Variants in MGAT5 observed in about 807,000 individuals in gnomAD.
MGAT5 encodes alpha-1,6-mannosylglycoprotein 6-beta-N-acetylglucosaminyltransferase, also known as alpha-1,6-mannosylglycoprotein 6-beta-N-acetylglucosaminyltransferase A.
MGAT5 carries 30 observed loss-of-function variants against 94.3 expected under a neutral mutation model. The observed-to-expected ratio is 0.32, with a 90% CI of 0.24 to 0.43. The LOEUF (loss-of-function observed/expected upper bound fraction) is 0.43, where lower values mean the gene tolerates loss of function less well. MGAT5 is among the 20% of genes least tolerant of loss of function. MGAT5 has a pLI of 1.00. For synonymous variants in MGAT5, 310 were observed against 322.9 expected (o/e 0.96, Z 0.43); for missense variants, 691 against 905.5 (o/e 0.76, Z 3.04).
At chr2:134,292,181 G>A (rs1685408290) in intron 2 of MGAT5, among the ~76,000 whole-genome samples, 1 of 152,194 alleles carries the variant, frequency 6.6e-6, no homozygotes, top group South Asian at 2.1e-4. Flanking sequence ...GCAGTAGTGT[G>A]TGGTTTTCAG....
At chr2:134,237,394 G>A (rs928370597) in intron 1 of MGAT5, among the ~76,000 whole-genome samples, 2 of 152,108 alleles carry the variant, frequency 1.3e-5, no homozygotes, top group African/African-American at 4.8e-5. Flanking sequence ...AGAATAATCT[G>A]GGAAGTTTTC....
chr2:134,233,378 CT>C (rs1400179738), intron 1 of MGAT5, among the ~76,000 whole-genome samples: 4 of 152,160 alleles, frequency 2.6e-5, no homozygotes, highest in Non-Finnish European at 4.4e-5. Context: ...TTTACCAATG[CT>C]AGGAATTGGG....
chr2:134,444,542 T>A (rs1263808186), intron 15 of MGAT5, among the ~76,000 whole-genome samples: 1 of 152,266 alleles, frequency 6.6e-6, no homozygotes, highest in Non-Finnish European at 1.5e-5. Flanking sequence ...TCTGGCAGTC[T>A]ATTGAGTGCC....
intron 10 of MGAT5, among the ~76,000 whole-genome samples, chr2:134,400,196 A>C (rs1442000332): frequency 6.6e-6 from 1 of 152,162 alleles, no homozygotes; most frequent in East Asian, 1.9e-4. Context: ...TTGGTATGAG[A>C]GGCTTCTGGG....
At chr2:134,163,052 A>C (rs566466529) in intron 1 of MGAT5, among the ~76,000 whole-genome samples, 3 of 152,188 alleles carry the variant, frequency 2.0e-5, no homozygotes, top group Non-Finnish European at 4.4e-5. Context: ...GACACCAAGA[A>C]GTGTAAGACG....
At chr2:134,169,413 G>GACACACAC (rs71660291) in intron 1 of MGAT5, among the ~76,000 whole-genome samples, 4 of 126,866 alleles carry the variant, frequency 3.2e-5, no homozygotes, top group African/African-American at 6.1e-5. Flanking sequence ...CACACACACA[G>GACACACAC]ACACACACAC....
chr2:134,437,163 G>T (rs1807374), intron 14 of MGAT5, among the ~76,000 whole-genome samples: 44,299 of 151,856 alleles, frequency 0.29, 7,517 homozygotes, highest in African/African-American at 0.47. Flanking sequence ...AATTTTTTTG[G>T]ATTTTTAGTA....
intron 1 of MGAT5, among the ~76,000 whole-genome samples, chr2:134,255,274 A>C (rs3908137): frequency 0.13 from 20,515 of 152,036 alleles, 1,906 homozygotes; most frequent in Non-Finnish European, 0.2. Context: ...TTGAAATCAG[A>C]AAGAGTAAAA....
chr2:134,147,595 T>TAA (rs58073087), intron 1 of MGAT5, among the ~76,000 whole-genome samples: 15,093 of 111,660 alleles, frequency 0.14, 2,071 homozygotes, highest in African/African-American at 0.35. Flanking sequence ...ACAGAGTTAA[T>TAA]AAAAAAAAAA....
intron 10 of MGAT5, among the ~76,000 whole-genome samples, chr2:134,374,058 G>T (rs986532254): frequency 2.6e-5 from 4 of 152,218 alleles, no homozygotes; most frequent in African/African-American, 9.6e-5. Flanking sequence ...AAACAGAAGT[G>T]TGTGTAGATT....
At chr2:134,409,579 A>G (rs1683530883) in intron 11 of MGAT5, among the ~76,000 whole-genome samples, 1 of 152,182 alleles carries the variant, frequency 6.6e-6, no homozygotes, top group African/African-American at 2.4e-5. Flanking sequence ...CTCTAGAGTC[A>G]CCATGCCAAC....
chr2:134,278,063 A>G (rs971320767), intron 2 of MGAT5, among the ~76,000 whole-genome samples: 10 of 152,234 alleles, frequency 6.6e-5, no homozygotes, highest in Non-Finnish European at 1.3e-4. Flanking sequence ...CATGGGAGCC[A>G]TCTTTAAGAA....
At chr2:134,327,867 A>G (rs1687730389) in intron 4 of MGAT5, among the ~76,000 whole-genome samples, 1 of 152,130 alleles carries the variant, frequency 6.6e-6, no homozygotes, top group Non-Finnish European at 1.5e-5. Context: ...TGCACATTAA[A>G]CACAAAAAAA....
At chr2:134,275,914 G>A (rs968052683) in intron 2 of MGAT5, among the ~76,000 whole-genome samples, 1 of 152,052 alleles carries the variant, frequency 6.6e-6, no homozygotes, top group East Asian at 1.9e-4. Flanking sequence ...ATGAGGACAA[G>A]AGATGCTGCA....
chr2:134,418,848 A>G (rs1380957169), intron 12 of MGAT5, among the ~76,000 whole-genome samples: 4 of 152,192 alleles, frequency 2.6e-5, no homozygotes, highest in African/African-American at 9.7e-5. Context: ...TCTGATATCT[A>G]GCTCCCTCCA....
At chr2:134,344,453 A>C in intron 7 of MGAT5, among the ~76,000 whole-genome samples, 1 of 152,064 alleles carries the variant, frequency 6.6e-6, no homozygotes. Flanking sequence ...AAGGGTGCTA[A>C]GCGGTAAGAA....
chr2:134,261,592 C>T (rs1376928236), intron 1 of MGAT5, among the ~76,000 whole-genome samples: 1 of 152,174 alleles, frequency 6.6e-6, no homozygotes. Context: ...GAGAAGTTAG[C>T]CTTCCCTCCT....
chr2:134,349,083 A>G (rs1003871927), intron 8 of MGAT5, among the ~76,000 whole-genome samples: 2 of 152,222 alleles, frequency 1.3e-5, no homozygotes, highest in Non-Finnish European at 1.5e-5. Flanking sequence ...TAATTTGTAC[A>G]TGTCACAAAA....
intron 1 of MGAT5, among the ~76,000 whole-genome samples, chr2:134,186,477 C>T (rs770992017): frequency 6.7e-6 from 1 of 148,568 alleles, no homozygotes; most frequent in Non-Finnish European, 1.5e-5. Context: ...AGAAATTCAT[C>T]AATTAAGGAG....
Sources: gnomAD v4.1 joint callset for allele counts (sites outside exome capture counted in the v4.1 genomes callset) on GRCh38, gnomAD v4.1.1 for gene constraint, MANE v1.5 for transcripts, NCBI Gene and HGNC (gene_info 2026-07-23, HGNC 2026-07-21) for gene names.